The following HDAC9 variants were observed in gnomAD, a reference collection of about 807,000 sequenced individuals.
HDAC9 encodes the protein MEF-2 interacting transcription repressor (MITR) protein.
Under a neutral mutation model 139.4 loss-of-function variants are expected in HDAC9, and 41 were observed. That is an observed-to-expected ratio of 0.29 (90% CI 0.23 to 0.38). The LOEUF is 0.38. HDAC9 is among the 10% of genes least tolerant of loss of function. The probability of loss-of-function intolerance (pLI) is 1.00; values close to 1 mark genes in which losing one functional copy is unlikely to be tolerated. For missense variants in HDAC9, 1,147 were observed against 1,297.0 expected (o/e 0.88, Z 1.78); for synonymous variants, 517 against 476.2 (o/e 1.09, Z -1.12).
chr7:18,440,586 C>T (rs567244362), intron 1 of HDAC9, among the ~76,000 whole-genome samples: 7 of 152,260 alleles, frequency 4.6e-5, no homozygotes, highest in South Asian at 2.1e-4. Context: ...TGTCTTATTT[C>T]AGACATTTTT....
intron 24 of HDAC9, among the ~76,000 whole-genome samples, chr7:18,955,278 C>G (rs1783070359): frequency 6.6e-6 from 1 of 152,068 alleles, no homozygotes; most frequent in Non-Finnish European, 1.5e-5. Context: ...GAAGAAAATC[C>G]TGTCATTGTC....
intron 8 of HDAC9, among the ~76,000 whole-genome samples, chr7:18,638,361 T>C (rs1429611983): frequency 6.6e-6 from 1 of 152,048 alleles, no homozygotes; most frequent in Non-Finnish European, 1.5e-5. Flanking sequence ...TCCTGCCTAA[T>C]TTAGATAAAG....
chr7:18,762,787 G>T (rs1378131073), intron 15 of HDAC9, among the ~76,000 whole-genome samples: 1 of 151,994 alleles, frequency 6.6e-6, no homozygotes, highest in Admixed American at 6.6e-5. Context: ...CTTACCTTTG[G>T]AATTAAATAA....
chr7:18,499,504 T>G (rs1797815969), intron 2 of HDAC9, among the ~76,000 whole-genome samples: 1 of 152,128 alleles, frequency 6.6e-6, no homozygotes, highest in African/African-American at 2.4e-5. Flanking sequence ...ATCCCTACTT[T>G]TGTGGCTTGT....
chr7:18,885,790 C>G (rs1032700577), intron 22 of HDAC9, among the ~76,000 whole-genome samples: 2 of 152,068 alleles, frequency 1.3e-5, no homozygotes, highest in Admixed American at 1.3e-4. Context: ...TTTTCCAGGT[C>G]AGAAAAGTAA....
intron 12 of HDAC9, among the ~76,000 whole-genome samples, chr7:18,692,139 G>T (rs1470355612): frequency 6.6e-6 from 1 of 152,060 alleles, no homozygotes; most frequent in Non-Finnish European, 1.5e-5. Context: ...AGATTGGAAA[G>T]GAATGAACCA....
At chr7:18,503,633 A>G (rs1433460376) in intron 2 of HDAC9, among the ~76,000 whole-genome samples, 1 of 152,146 alleles carries the variant, frequency 6.6e-6, no homozygotes, top group Non-Finnish European at 1.5e-5. Flanking sequence ...TCCAATGAAA[A>G]CCACTTTTAA....
intron 1 of HDAC9, among the ~76,000 whole-genome samples, chr7:18,428,879 A>G (rs1790368548): frequency 6.6e-6 from 1 of 152,140 alleles, no homozygotes; most frequent in Admixed American, 6.6e-5. Context: ...TGCTGAGCAC[A>G]CACCACATTG....
At chr7:18,295,935 C>A (rs1482342175) in intron 1 of HDAC9, among the ~76,000 whole-genome samples, 2 of 152,088 alleles carry the variant, frequency 1.3e-5, no homozygotes, top group Non-Finnish European at 2.9e-5. Context: ...GGCTGAGAAA[C>A]CTTGACATAG....
At chr7:18,976,424 G>A (rs981798163) in intron 25 of HDAC9, among the ~76,000 whole-genome samples, 14 of 152,284 alleles carry the variant, frequency 9.2e-5, no homozygotes, top group African/African-American at 2.6e-4. Context: ...CACTCCTTAC[G>A]TGGCTGTCCT....
At chr7:18,911,180 G>A (rs943190918) in intron 22 of HDAC9, among the ~76,000 whole-genome samples, 2 of 149,952 alleles carry the variant, frequency 1.3e-5, no homozygotes, top group Non-Finnish European at 3.0e-5. Flanking sequence ...AATCATGGTA[G>A]GTTGTATGTA....
At chr7:18,799,882 C>T (rs1010743715) in intron 17 of HDAC9, among the ~76,000 whole-genome samples, 1 of 152,014 alleles carries the variant, frequency 6.6e-6, no homozygotes, top group African/African-American at 2.4e-5. Context: ...TTCCCAAATT[C>T]AATAAAAACA....
At chr7:18,965,675 G>T (rs1288373982) in intron 24 of HDAC9, among the ~76,000 whole-genome samples, 2 of 152,212 alleles carry the variant, frequency 1.3e-5, no homozygotes, top group African/African-American at 4.8e-5. Flanking sequence ...ATAGCTCAGA[G>T]TTATTTCATG....
chr7:18,919,998 A>T (rs921294257), intron 22 of HDAC9, among the ~76,000 whole-genome samples: 6 of 152,000 alleles, frequency 3.9e-5, no homozygotes, highest in African/African-American at 1.4e-4. Flanking sequence ...TTGGTTCCAT[A>T]TGAACTTTAA....
At chr7:18,332,441 A>C (rs561732949) in intron 1 of HDAC9, among the ~76,000 whole-genome samples, 1 of 151,606 alleles carries the variant, frequency 6.6e-6, no homozygotes, top group Non-Finnish European at 1.5e-5. Context: ...CTCATCACTT[A>C]AGCTTGACTG....
At chr7:18,663,687 G>C (rs980526079) in intron 11 of HDAC9, among the ~76,000 whole-genome samples, 1 of 152,136 alleles carries the variant, frequency 6.6e-6, no homozygotes, top group South Asian at 2.1e-4. Flanking sequence ...CAGGTTCCCA[G>C]TAACTTTTCA....
chr7:18,392,063 C>A (rs1786537742), intron 1 of HDAC9, among the ~76,000 whole-genome samples: 1 of 152,096 alleles, frequency 6.6e-6, no homozygotes, highest in Non-Finnish European at 1.5e-5. Context: ...GTGAGCAAGA[C>A]ACAGTGAAAA....
chr7:18,667,875 T>C (rs1795266974), intron 12 of HDAC9: 1 of 982,640 alleles, frequency 1.0e-6, no homozygotes. Context: ...TAGGTTTACT[T>C]TTGTTAAGCT....
In HDAC9 at chr7:18,671,310, G is replaced by C. The variant is rs113592354; in HGVS notation, c.1731+4834G>C. ...CATAACAATCCTCTCGAGGGAAACA[G>C]GTTCTGACCACACCCCTAGAGGTTC... On this transcript the variant is annotated intron_variant, in intron 12 of 25. Transcript: ENST00000686413. Among the ~76,000 whole-genome samples, 36 of 152,082 alleles carry C rather than the reference G, an allele frequency of 2.4e-4. 2 individuals are homozygous for C. The highest frequency in any genetic ancestry group is 8.7e-4 in the African/African-American group (36 of 41,534).
Sources: allele counts gnomAD v4.1 joint callset (sites outside exome capture counted in the v4.1 genomes callset), GRCh38; gene constraint gnomAD v4.1.1; transcripts MANE v1.5; gene names NCBI Gene and HGNC (gene_info 2026-07-23, HGNC 2026-07-21).